Variants in RBFOX3 observed in about 807,000 individuals in gnomAD.
RBFOX3 encodes RNA binding fox-1 homolog 3.
A neutral mutation model predicts 48.7 loss-of-function variants in RBFOX3; 17 were observed. The ratio of observed to expected loss-of-function variants is 0.35; its 90% CI spans 0.24 to 0.52. The LOEUF (loss-of-function observed/expected upper bound fraction) is 0.52, where lower values mean the gene tolerates loss of function less well. RBFOX3 is among the 20% of genes least tolerant of loss of function. The pLI is 0.94. For synonymous variants in RBFOX3, 212 were observed against 209.5 expected, an observed-to-expected ratio of 1.01 and a Z score of -0.10; for missense variants, 382 against 497.5, an observed-to-expected ratio of 0.77 and a Z score of 2.21.
intron 3 of RBFOX3, among the ~76,000 whole-genome samples, chr17:79,306,081 G>C (rs576378260): frequency 1.9e-4 from 29 of 152,248 alleles, no homozygotes; most frequent in African/African-American, 7.0e-4. Context: ...AAGCACAGAC[G>C]GAATCTAGCC....
the RBFOX3 span, among the ~76,000 whole-genome samples, chr17:79,627,261 C>G: frequency 2.6e-5 from 4 of 152,334 alleles, no homozygotes; most frequent in East Asian, 7.7e-4. Flanking sequence ...CCTGATGCCA[C>G]CTTCCCCCCA....
intron 1 of RBFOX3, among the ~76,000 whole-genome samples, chr17:79,577,358 G>A (rs935043624): frequency 4.9e-4 from 74 of 152,256 alleles, no homozygotes; most frequent in African/African-American, 1.7e-3. Context: ...GGGAAGCAAC[G>A]AGGCCCTGAA....
chr17:79,128,373 C>T (rs1171573637), intron 4 of RBFOX3, among the ~76,000 whole-genome samples: 2 of 152,138 alleles, frequency 1.3e-5, no homozygotes, highest in Non-Finnish European at 1.5e-5. Context: ...ACTGAGGTCC[C>T]AGAAGCAGGT....
rs200696654 is a variant in RBFOX3 at position 79,199,482 on chromosome 17, G to A, written c.-34+36284C>T. ...CAGCCCAGGTGGGACTTGAGGAAGAGGAGAAGGCCAGCCATCTGGATGGCC... is the reference window on the plus strand; with the variant it reads ...CAGCCCAGGTGGGACTTGAGGAAGAAGAGAAGGCCAGCCATCTGGATGGCC... On this transcript the variant is annotated intron_variant, in intron 4 of 14. Transcript: ENST00000693108. The surrounding 1 kb of genome is among the most constrained non-coding windows in gnomAD (Gnocchi z 5.1). 4.2e-5 allele frequency among the ~76,000 whole-genome samples: 6 copies of A among 142,144 alleles called. No individual in the cohort carries two copies. The East Asian group carries it at 1.3e-3, about 30-fold the overall frequency. The allele number at this position is 142,144 out of a possible 152,430, so 93.3% of individuals were successfully genotyped here. A position where few individuals can be genotyped will look rare whatever the true frequency, so the allele number is the denominator to read the frequency against.
chr17:79,347,990 G>C, intron 2 of RBFOX3, among the ~76,000 whole-genome samples: 1 of 152,262 alleles, frequency 6.6e-6, no homozygotes, highest in African/African-American at 2.4e-5. Flanking sequence ...CTCAGAGAGC[G>C]GTGGGTGAAT....
intron 4 of RBFOX3, among the ~76,000 whole-genome samples, chr17:79,185,804 C>T (rs760706008): frequency 2.6e-5 from 4 of 152,216 alleles, no homozygotes; most frequent in Admixed American, 6.5e-5. Flanking sequence ...TTTGAGTCAA[C>T]GCTACTGTTT....
chr17:79,430,701 C>T (rs1555727991), intron 2 of RBFOX3, among the ~76,000 whole-genome samples: 1 of 152,174 alleles, frequency 6.6e-6, no homozygotes, highest in African/African-American at 2.4e-5. Context: ...TGCAGCACCA[C>T]ACCCAGCTAA....
chr17:79,340,347 T>A (rs1355816506), intron 2 of RBFOX3, among the ~76,000 whole-genome samples: 1 of 148,808 alleles, frequency 6.7e-6, no homozygotes, highest in East Asian at 1.9e-4. Context: ...CATGATAGAA[T>A]CTATGTTGGG....
Position 79,254,265 on chromosome 17 carries a change from G to C in RBFOX3, c.-73-18460C>G, listed in dbSNP as rs2064425726. Reference sequence around the variant, plus strand: ...CAGGGAGCAGGGCCCCTGAGGTCTGGAAGAGGCCAGCTGCTGCCCAGTCCT... The same window carrying C: ...CAGGGAGCAGGGCCCCTGAGGTCTGCAAGAGGCCAGCTGCTGCCCAGTCCT... On this transcript the variant is annotated intron_variant, in intron 3 of 14. Transcript: ENST00000693108. The surrounding 1 kb of genome is among the most constrained non-coding windows in gnomAD (Gnocchi z 4.8). 6.6e-6 allele frequency among the ~76,000 whole-genome samples: 1 copy of C among 152,188 alleles called. No homozygotes were observed. The highest frequency in any genetic ancestry group is 1.5e-5 in the Non-Finnish European group (1 of 68,024).
chr17:79,296,289 G>C (rs1014838345), intron 3 of RBFOX3, among the ~76,000 whole-genome samples: 2 of 146,358 alleles, frequency 1.4e-5, no homozygotes, highest in African/African-American at 5.2e-5. Flanking sequence ...GGCACAAACA[G>C]ACACACACAC....
At chr17:79,494,222 G>A (rs2081112670) in intron 1 of RBFOX3, among the ~76,000 whole-genome samples, 1 of 152,080 alleles carries the variant, frequency 6.6e-6, no homozygotes. Context: ...TGTACAACTG[G>A]GCTAGGTGGT....
chr17:79,517,449 AAAAAAAAAAAAACAAAC>A (rs2085411798), intron 1 of RBFOX3, among the ~76,000 whole-genome samples: 1 of 151,424 alleles, frequency 6.6e-6, no homozygotes, highest in Non-Finnish European at 1.5e-5. Flanking sequence ...TGTCTCAAAA[AAAAAAAAAAAAACAAAC>A]AAAAACAAAA....
chr17:79,589,857 C>T (rs2093366544), intron 1 of RBFOX3, among the ~76,000 whole-genome samples: 1 of 152,158 alleles, frequency 6.6e-6, no homozygotes, highest in Non-Finnish European at 1.5e-5. Context: ...CAATGGTGGA[C>T]ACCAGCGTTT....
At chr17:79,438,095 T>C (rs1320350626) in intron 2 of RBFOX3, among the ~76,000 whole-genome samples, 2 of 55,722 alleles carry the variant, frequency 3.6e-5, no homozygotes, top group Non-Finnish European at 7.3e-5. Flanking sequence ...CACACACAGG[T>C]GCACAGGCGC....
chr17:79,150,021 T>TTGAGGGTGGGGGGGGGGGGTGGGGGG (rs2044015373), intron 4 of RBFOX3, among the ~76,000 whole-genome samples: 1 of 12,784 alleles, frequency 7.8e-5, no homozygotes. Flanking sequence ...GGGATGGGGG[T>TTGAGGGTGGGGGGGGGGGGTGGGGGG]TGAGGGTGGG....
At chr17:79,461,267 G>T (rs1213268187) in intron 2 of RBFOX3, among the ~76,000 whole-genome samples, 1 of 152,198 alleles carries the variant, frequency 6.6e-6, no homozygotes, top group Non-Finnish European at 1.5e-5. Context: ...ATAAAAGATG[G>T]TGAGTCATGA....
the RBFOX3 span, among the ~76,000 whole-genome samples, chr17:79,664,349 ATTT>A: frequency 7.2e-6 from 1 of 139,024 alleles, no homozygotes; most frequent in Admixed American, 7.1e-5. Context: ...TAATTTTTGT[ATTT>A]TTTTTTTTTT....
At chr17:79,579,737 T>TG (rs1452291515) in intron 1 of RBFOX3, among the ~76,000 whole-genome samples, 20 of 128,904 alleles carry the variant, frequency 1.6e-4, no homozygotes, top group South Asian at 2.6e-4. Context: ...GGCGCCGTGG[T>TG]GGGGAGTCAC....
chr17:79,186,420 G>A (rs1480627560), intron 4 of RBFOX3, among the ~76,000 whole-genome samples: 2 of 152,196 alleles, frequency 1.3e-5, no homozygotes, highest in Non-Finnish European at 2.9e-5. Context: ...CTGACTCTGC[G>A]GACCCCACCG....
Sources: gnomAD v4.1 joint callset for allele counts (sites outside exome capture counted in the v4.1 genomes callset) on GRCh38, gnomAD v4.1.1 for gene constraint, Gnocchi (gnomAD v3.1) non-coding constraint, MANE v1.5 for transcripts, NCBI Gene and HGNC (gene_info 2026-07-23, HGNC 2026-07-21) for gene names.